The following SMCO4 variants were observed in gnomAD, a reference collection of about 807,000 sequenced individuals.
SMCO4 encodes single-pass membrane and coiled-coil domain-containing protein 4.
A neutral mutation model predicts 3.6 loss-of-function variants in SMCO4; 4 were observed. The observed-to-expected ratio is 1.11, with a 90% CI of 0.54 to 2.53. The LOEUF (loss-of-function observed/expected upper bound fraction) is 2.53, where lower values mean the gene tolerates loss of function less well. Ranked by LOEUF, SMCO4 falls within the 30% of genes most tolerant of loss-of-function variation. SMCO4 has a pLI of 0.02. For synonymous variants in SMCO4, 36 were observed against 35.3 expected (o/e 1.02, Z -0.07); for missense variants, 70 against 80.8 (o/e 0.87, Z 0.51).
intron 1 of SMCO4, among the ~76,000 whole-genome samples, chr11:93,525,628 C>T (rs1949099012): frequency 6.6e-6 from 1 of 152,186 alleles, no homozygotes; most frequent in Non-Finnish European, 1.5e-5. Context: ...TTTATAAATA[C>T]ACCCTACGAC....
intron 1 of SMCO4, among the ~76,000 whole-genome samples, chr11:93,526,437 C>A (rs1591324490): frequency 6.6e-6 from 1 of 152,178 alleles, no homozygotes; most frequent in Non-Finnish European, 1.5e-5. Context: ...GAGAGTGAAT[C>A]CAAGGAATTT....
At chr11:93,538,021 T>C (rs1401472824) in intron 1 of SMCO4, 1 of 152,516 alleles carries the variant, frequency 6.6e-6, no homozygotes, top group Non-Finnish European at 1.5e-5. Context: ...TTGCACAATT[T>C]GGAAAAACGG....
intron 1 of SMCO4, among the ~76,000 whole-genome samples, chr11:93,517,844 G>A (rs529388847): frequency 3.3e-5 from 5 of 152,106 alleles, no homozygotes; most frequent in South Asian, 2.1e-4. Flanking sequence ...TCTCCTACCC[G>A]CATTGAAGTA....
intron 1 of SMCO4, chr11:93,535,537 A>C: frequency 7.0e-7 from 1 of 1,418,742 alleles, no homozygotes; most frequent in Non-Finnish European, 9.9e-7. Flanking sequence ...GCTGGACATC[A>C]GGCAGCATCA....
chr11:93,532,513 C>G (rs1486205914), intron 1 of SMCO4, among the ~76,000 whole-genome samples: 2 of 152,212 alleles, frequency 1.3e-5, no homozygotes, highest in African/African-American at 4.8e-5. Flanking sequence ...TGTTCTCCAG[C>G]CTGCAGACAC....
chr11:93,524,338 C>G (rs541282819), intron 1 of SMCO4, among the ~76,000 whole-genome samples: 62 of 152,218 alleles, frequency 4.1e-4, no homozygotes, highest in Non-Finnish European at 6.8e-4. Context: ...ACTGTGTACA[C>G]GATCCCCAGG....
At chr11:93,491,456 C>T (rs769442257) in intron 2 of SMCO4, among the ~76,000 whole-genome samples, 4 of 152,146 alleles carry the variant, frequency 2.6e-5, no homozygotes, top group East Asian at 1.9e-4. Context: ...TAAAGCCTTC[C>T]GTGGCTCTCA....
intron 1 of SMCO4, among the ~76,000 whole-genome samples, chr11:93,526,031 G>A (rs1163035750): frequency 6.6e-6 from 1 of 152,164 alleles, no homozygotes; most frequent in Non-Finnish European, 1.5e-5. Context: ...CTTGGACTGA[G>A]GGTTACACCT....
intron 1 of SMCO4, among the ~76,000 whole-genome samples, chr11:93,521,272 G>C (rs890877909): frequency 2.0e-5 from 3 of 152,208 alleles, no homozygotes; most frequent in African/African-American, 7.2e-5. Flanking sequence ...TGCAACTCTA[G>C]AAGGGGCTCC....
chr11:93,553,743 A>G, the SMCO4 span, among the ~76,000 whole-genome samples: 1 of 152,246 alleles, frequency 6.6e-6, no homozygotes, highest in Admixed American at 6.5e-5. Flanking sequence ...TGTATGCTTT[A>G]GTTTCTTCAA....
At chr11:93,519,434 C>G (rs1372083194) in intron 1 of SMCO4, among the ~76,000 whole-genome samples, 1 of 152,164 alleles carries the variant, frequency 6.6e-6, no homozygotes, top group Non-Finnish European at 1.5e-5. Flanking sequence ...GGCAGGTGTT[C>G]AATTAGGCAG....
intron 1 of SMCO4, chr11:93,535,525 G>C: frequency 2.1e-6 from 3 of 1,404,550 alleles, no homozygotes; most frequent in East Asian, 2.3e-5. Context: ...TTTTCCAGAA[G>C]TGCTGGACAT....
chr11:93,495,705 G>A (rs570922040), intron 2 of SMCO4, among the ~76,000 whole-genome samples: 2 of 152,098 alleles, frequency 1.3e-5, no homozygotes, highest in South Asian at 4.1e-4. Context: ...GAGTAGCAAG[G>A]AGTATTGCAA....
chr11:93,540,631 T>C (rs552393078), intron 1 of SMCO4, among the ~76,000 whole-genome samples: 2 of 152,352 alleles, frequency 1.3e-5, no homozygotes, highest in Admixed American at 6.5e-5. Flanking sequence ...CAGTAACTTA[T>C]GCACGACAGC....
At position 93,512,770 on chromosome 11, in the gene SMCO4, G is replaced by A. The variant is rs528130460; in HGVS notation, c.-153-13422C>T. ...TGCCTAATGATGCATTTCTCAGGAT[G>A]TGTCCCTGTCATTAAGTGAGGCATT... On this transcript the variant is annotated intron_variant, in intron 1 of 2. Coordinates refer to ENST00000298966, the MANE Select transcript of SMCO4 (RefSeq NM_020179.3). Among the ~76,000 whole-genome samples, 12 of 152,276 alleles carry A rather than the reference G, an allele frequency of 7.9e-5. 1 individual carries two copies. In the South Asian group the frequency reaches 1.9e-3, roughly 24 times the overall value.
At chr11:93,503,704 A>G (rs1339454494) in intron 1 of SMCO4, among the ~76,000 whole-genome samples, 1 of 152,222 alleles carries the variant, frequency 6.6e-6, no homozygotes, top group Non-Finnish European at 1.5e-5. Context: ...CGTGCCAAGG[A>G]ATGCTGGCAG....
chr11:93,481,888 C>A (rs1948596460), intron 2 of SMCO4, among the ~76,000 whole-genome samples: 1 of 152,188 alleles, frequency 6.6e-6, no homozygotes, highest in Admixed American at 6.5e-5. Flanking sequence ...CTAGCCATGC[C>A]CTGGCTGGCT....
At chr11:93,479,671 T>C (rs558885462) in intron 2 of SMCO4, among the ~76,000 whole-genome samples, 1 of 152,320 alleles carries the variant, frequency 6.6e-6, no homozygotes, top group African/African-American at 2.4e-5. Context: ...ATCTCCAGCA[T>C]GGAACTGCAG....
At chr11:93,536,518 T>C (rs1282607316) in intron 1 of SMCO4, among the ~76,000 whole-genome samples, 1 of 152,186 alleles carries the variant, frequency 6.6e-6, no homozygotes, top group Non-Finnish European at 1.5e-5. Flanking sequence ...CTCGAAAATA[T>C]ACTATGTGAA....
Sources: allele counts gnomAD v4.1 joint callset (sites outside exome capture counted in the v4.1 genomes callset), GRCh38; gene constraint gnomAD v4.1.1; transcripts MANE v1.5; gene names NCBI Gene and HGNC (gene_info 2026-07-23, HGNC 2026-07-21).